Variants in TECPR2 observed in about 807,000 individuals in gnomAD.
The protein encoded by TECPR2 is tectonin beta-propeller repeat containing 2.
In TECPR2, 65 loss-of-function variants were observed where a neutral mutation model predicts 138.1. That is an observed-to-expected ratio of 0.47 (90% confidence interval 0.39 to 0.58). The LOEUF is 0.58. Ranked by LOEUF, TECPR2 falls within the 20% of genes least tolerant of loss-of-function variation. The pLI, the probability that TECPR2 is intolerant of heterozygous loss-of-function variation, is 0.00. For missense variants in TECPR2, 1,553 were observed against 1,824.5 expected (o/e 0.85, Z 2.71); for synonymous variants, 746 against 749.8 (o/e 0.99, Z 0.08).
intron 17 of TECPR2, among the ~76,000 whole-genome samples, chr14:102,484,482 T>C (rs557811454): frequency 3.3e-5 from 5 of 152,232 alleles, no homozygotes; most frequent in Admixed American, 2.6e-4. Context: ...CCTGAGCACA[T>C]GCATGGAGCC....
At chr14:102,497,955 C>T (rs1226815899) in intron 19 of TECPR2, 148 bp from the exon 20 acceptor site, 6 of 1,175,042 alleles carry the variant, frequency 5.1e-6, no homozygotes, top group African/African-American at 1.5e-5. Context: ...GCTGAGGGTA[C>T]GAAGTTCACA....
intron 4 of TECPR2, among the ~76,000 whole-genome samples, chr14:102,413,975 T>A (rs533017745): frequency 1.3e-3 from 190 of 151,492 alleles, no homozygotes; most frequent in African/African-American, 4.3e-3. Flanking sequence ...TAAAAAAAAT[T>A]TTTTTGTAGA....
At chr14:102,428,414 A>G (rs1889386388) in intron 7 of TECPR2, 32 bp downstream of exon 7, 1 of 1,606,550 alleles carries the variant, frequency 6.2e-7, no homozygotes, top group Non-Finnish European at 8.5e-7. Context: ...TACCATGTAT[A>G]TGATGGGAAG....
intron 2 of TECPR2, among the ~76,000 whole-genome samples, chr14:102,380,913 C>T (rs1274162563): frequency 4.0e-5 from 6 of 151,306 alleles, no homozygotes; most frequent in African/African-American, 1.2e-4. Context: ...CTCCTGACCT[C>T]GTGATCTGCC....
At chr14:102,381,896 A>G (rs1425833134) in intron 2 of TECPR2, among the ~76,000 whole-genome samples, 1 of 152,254 alleles carries the variant, frequency 6.6e-6, no homozygotes, top group Non-Finnish European at 1.5e-5. Flanking sequence ...TAGATGTAGT[A>G]ATATCTAAGA....
intron 17 of TECPR2, among the ~76,000 whole-genome samples, chr14:102,494,453 G>C (rs1222860702): frequency 6.6e-6 from 1 of 152,074 alleles, no homozygotes; most frequent in African/African-American, 2.4e-5. Context: ...TGAGGCAGGA[G>C]AATCCCTTGA....
chr14:102,378,008 A>G (rs969034703), intron 2 of TECPR2, among the ~76,000 whole-genome samples: 2 of 152,078 alleles, frequency 1.3e-5, no homozygotes, highest in Non-Finnish European at 2.9e-5. Flanking sequence ...TATTGTAGAT[A>G]TTGGTGGAGA....
At chr14:102,417,732 G>A (rs1021812054) in intron 5 of TECPR2, among the ~76,000 whole-genome samples, 5 of 148,822 alleles carry the variant, frequency 3.4e-5, no homozygotes, top group Non-Finnish European at 4.4e-5. Context: ...GGCTGACACG[G>A]GAGTCCAGGG....
intron 16 of TECPR2, among the ~76,000 whole-genome samples, chr14:102,462,358 AC>A (rs1890428841): frequency 6.6e-6 from 1 of 152,110 alleles, no homozygotes. Context: ...TTCTGTTTAA[AC>A]TCCCCGGTAA....
intron 5 of TECPR2, among the ~76,000 whole-genome samples, chr14:102,421,632 A>C (rs1889186075): frequency 6.6e-6 from 1 of 152,198 alleles, no homozygotes; most frequent in South Asian, 2.1e-4. Flanking sequence ...AAGCAGTGGC[A>C]CGGAGGCAGC....
intron 4 of TECPR2, among the ~76,000 whole-genome samples, chr14:102,411,040 G>T (rs1450387621): frequency 6.6e-6 from 1 of 152,216 alleles, no homozygotes; most frequent in East Asian, 1.9e-4. Context: ...CCATATCCAG[G>T]CCATCATCAA....
At chr14:102,425,382 A>G (rs756051651) in intron 6 of TECPR2, 91 bp downstream of exon 6, 117 of 1,339,332 alleles carry the variant, frequency 8.7e-5, no homozygotes, top group Non-Finnish European at 1.1e-4. Context: ...TCAGAATGCT[A>G]CCAGGAGCAG....
intron 10 of TECPR2, 123 bp downstream of exon 10, chr14:102,438,328 T>A: frequency 7.9e-7 from 1 of 1,273,668 alleles, no homozygotes; most frequent in Non-Finnish European, 1.0e-6. Context: ...CACGCTGCCG[T>A]GCGTTCACCA....
At chr14:102,471,894 G>A (rs918261406) in intron 17 of TECPR2, among the ~76,000 whole-genome samples, 4 of 152,090 alleles carry the variant, frequency 2.6e-5, no homozygotes, top group Admixed American at 6.6e-5. Context: ...ACATTCTTGT[G>A]CACAGTGCTT....
intron 11 of TECPR2, among the ~76,000 whole-genome samples, chr14:102,442,453 T>G (rs1243710726): frequency 6.6e-6 from 1 of 152,250 alleles, no homozygotes; most frequent in Non-Finnish European, 1.5e-5. Context: ...TGTGTCTTTC[T>G]TTAAATGAAA....
chr14:102,366,602 C>T (rs921610034), intron 1 of TECPR2, among the ~76,000 whole-genome samples: 3 of 152,214 alleles, frequency 2.0e-5, no homozygotes, highest in Non-Finnish European at 2.9e-5. Flanking sequence ...CCACCTCGGC[C>T]TCCCAAAGTG....
chr14:102,455,730 A>G (rs568286152), intron 16 of TECPR2, among the ~76,000 whole-genome samples: 4 of 151,108 alleles, frequency 2.6e-5, no homozygotes, highest in South Asian at 2.1e-4. Context: ...CCCTGTCTCA[A>G]CCTCCCGAGT....
chr14:102,395,066 C>A (rs1249275855), intron 2 of TECPR2, among the ~76,000 whole-genome samples: 1 of 152,106 alleles, frequency 6.6e-6, no homozygotes, highest in Non-Finnish European at 1.5e-5. Context: ...AGCTTAAGAT[C>A]TAAATCTCTT....
chr14:102,479,042 A>AAAAGG (rs1567358791), intron 17 of TECPR2, among the ~76,000 whole-genome samples: 4 of 152,082 alleles, frequency 2.6e-5, no homozygotes, highest in Non-Finnish European at 4.4e-5. Flanking sequence ...AAGGAAAAAA[A>AAAAGG]AAAGGAAATG....
Sources: allele counts gnomAD v4.1 joint callset (sites outside exome capture counted in the v4.1 genomes callset), GRCh38; gene constraint gnomAD v4.1.1; transcripts MANE v1.5; gene names NCBI Gene and HGNC (gene_info 2026-07-23, HGNC 2026-07-21).